Variants in BCLAF1 observed in about 807,000 individuals in gnomAD.
BCLAF1 encodes BCL2 associated transcription factor 1, also known as bcl-2-associated transcription factor 1.
In BCLAF1, 10 loss-of-function variants were observed where a neutral mutation model predicts 99.5. That is an observed-to-expected ratio of 0.10 (90% CI 0.06 to 0.17). The LOEUF (loss-of-function observed/expected upper bound fraction) is 0.17. BCLAF1 is among the 10% of genes least tolerant of loss of function. The pLI is 1.00. For missense variants in BCLAF1, 636 were observed against 1,105.8 expected, an observed-to-expected ratio of 0.58 and a Z score of 6.02; for synonymous variants, 255 against 370.9, an observed-to-expected ratio of 0.69 and a Z score of 3.59.
At chr6:136,283,178 CAAAAA>C (rs1173234336) in intron 1 of BCLAF1, among the ~76,000 whole-genome samples, 74 of 52,044 alleles carry the variant, frequency 1.4e-3, no homozygotes, top group Non-Finnish European at 1.8e-3. Context: ...GACCCCATCT[CAAAAA>C]AAAAAAAAAA....
intron 2 of BCLAF1, among the ~76,000 whole-genome samples, chr6:136,282,138 G>C (rs765115): frequency 7.2e-5 from 11 of 152,258 alleles, no homozygotes; most frequent in African/African-American, 2.6e-4. Context: ...GTAAAACGAA[G>C]AAAATAACAG....
chr6:136,277,882 A>C lies in BCLAF1; in HGVS notation c.999T>G (p.Thr333=). 6.2e-7 allele frequency: 1 copy of C among 1,604,386 alleles called. No individual in the cohort carries two copies. The highest frequency in any genetic ancestry group is 8.5e-7 in the Non-Finnish European group (1 of 1,175,694). The change falls in exon 4 of 13, where the codon ACT becomes ACG. Residue 333 remains threonine, a synonymous_variant. Transcript: ENST00000531224. ...GTTTTTACCTTTTTAAGAACTTCCC[A>C]GTCTTTGCAGTTTCCTGATCTCCAC... is the stretch of plus-strand genomic sequence containing the variant. ...PDGGDQETAK[T]GKFLKRFTDE...
chr6:136,268,652 G>C, intron 9 of BCLAF1: 1 of 239,798 alleles, frequency 4.2e-6, no homozygotes, highest in Non-Finnish European at 8.3e-6. Context: ...ATGAAAGGAA[G>C]AGAAGAGTAG....
intron 4 of BCLAF1, among the ~76,000 whole-genome samples, chr6:136,277,546 G>C (rs1406420957): frequency 2.0e-5 from 3 of 152,140 alleles, no homozygotes; most frequent in Non-Finnish European, 4.4e-5. Flanking sequence ...TTTTTAAAGA[G>C]ACAGGGTCTT....
Position 136,273,144 on chromosome 6 carries a change from G to A in BCLAF1, c.1896C>T (p.Phe632=). 1 of 1,612,220 alleles carries A rather than the reference G, an allele frequency of 6.2e-7. No individual in the cohort carries two copies. Among genetic ancestry groups the A allele is most frequent in the East Asian group, 2.2e-5 (1 of 44,840 alleles). ...CTTCAGTGGCTTTCTGATACGAAGT[G>A]AACCGCTCGTTTAGGGTCATTGCAG... The part of the protein sequence containing the change: ...KSAAMTLNER[F]TSYQKATEEH... The change falls in exon 7 of 13, where the codon TTC becomes TTT. Residue 632 remains phenylalanine (F), a synonymous_variant. Coordinates refer to ENST00000531224, the MANE Select transcript of BCLAF1 (RefSeq NM_014739.3).
Position 136,276,486 on chromosome 6 carries a change from C to T in BCLAF1, c.1039G>A (p.Val347Ile). Reference sequence around the variant, plus strand: ...GTATTACCCCTATCAAGCAGGAATACTCTAGACTCTTCATCTGTGAACCTG... The same window carrying T: ...GTATTACCCCTATCAAGCAGGAATATTCTAGACTCTTCATCTGTGAACCTG... Reference protein sequence around the residue: ...LKRFTDEESRVFLLDRGNTRD... With the variant: ...LKRFTDEESRIFLLDRGNTRD... The change falls in exon 5 of 13, where the codon GTA (valine) becomes ATA (isoleucine). Residue 347 changes from valine (V) to isoleucine (I), a missense_variant. Transcript: ENST00000531224. The T allele has an allele frequency of 1.9e-6, 3 of 1,566,144 alleles. No individual in the cohort carries two copies. Among genetic ancestry groups the T allele is most frequent in the Non-Finnish European group, 2.6e-6 (3 of 1,163,816 alleles).
chr6:136,268,275 T>A lies in BCLAF1; in HGVS notation c.2284A>T (p.Ser762Cys). Residue 762 changes from serine to cysteine, a missense_variant, in exon 10 of 13, where the codon AGT (serine) becomes TGT (cysteine). Coordinates refer to ENST00000531224, the MANE Select transcript of BCLAF1 (RefSeq NM_014739.3). ...TTACTCTCCTTTTCTTCTCGAGAACTGGGAGAAGAAGGTGATGCTGAAGAG... is the reference window on the plus strand; with the variant it reads ...TTACTCTCCTTTTCTTCTCGAGAACAGGGAGAAGAAGGTGATGCTGAAGAG... ...SSSSASPSSPSSREEKESKKE... is the reference protein window; with the variant it reads ...SSSSASPSSPCSREEKESKKE... 6.2e-7 allele frequency: 1 copy of A among 1,605,520 alleles called. No homozygotes were observed.
At chr6:136,272,572 T>C (rs1159888533) in intron 7 of BCLAF1, among the ~76,000 whole-genome samples, 3 of 151,940 alleles carry the variant, frequency 2.0e-5, no homozygotes, top group Non-Finnish European at 2.9e-5. Flanking sequence ...AGATACTTCA[T>C]AGCCAATATC....
chr6:136,276,545 T>C (rs1198606223), intron 4 of BCLAF1, 37 bp from the exon 5 acceptor site: 6 of 1,548,770 alleles, frequency 3.9e-6, no homozygotes, highest in Non-Finnish European at 4.3e-6. Context: ...TAACTCTGGA[T>C]TGCATTCACT....
intron 2 of BCLAF1, 87 bp from the exon 3 acceptor site, chr6:136,279,963 G>T (rs563973336): frequency 1.1e-5 from 14 of 1,273,648 alleles, no homozygotes; most frequent in South Asian, 2.5e-5. Flanking sequence ...GATAAAATTT[G>T]ATTTTTACAA....
chr6:136,275,449 A>G (rs1783149144), intron 6 of BCLAF1, 83 bp downstream of exon 6: 6 of 1,317,960 alleles, frequency 4.6e-6, no homozygotes, highest in Non-Finnish European at 5.1e-6. Flanking sequence ...CCTGGGGTAC[A>G]TGAATTATTA....
At chr6:136,265,290 A>G (rs1314385427) in intron 11 of BCLAF1, among the ~76,000 whole-genome samples, 2 of 152,060 alleles carry the variant, frequency 1.3e-5, no homozygotes, top group Non-Finnish European at 2.9e-5. Context: ...TGAATTACCA[A>G]CTATCCACTG....
intron 6 of BCLAF1, 192 bp from the exon 7 acceptor site, chr6:136,273,379 C>T: frequency 1.9e-6 from 1 of 531,736 alleles, no homozygotes; most frequent in Non-Finnish European, 3.3e-6. Context: ...TCGAAAGTTG[C>T]TCACAGGTCC....
Position 136,276,331 on chromosome 6 carries a change from T to C in BCLAF1, c.1194A>G (p.Glu398=), listed in dbSNP as rs1449470483. 6.4e-6 allele frequency: 10 copies of C among 1,564,648 alleles called. No individual in the cohort carries two copies. Among genetic ancestry groups the C allele is most frequent in the Non-Finnish European group, 7.8e-6 (9 of 1,158,242 alleles). Residue 398 remains glutamate, a synonymous_variant, in exon 5 of 13, where the codon GAA becomes GAG. Transcript: ENST00000531224. ...ESGKQKFNDS[E]GDDTEETEDY... is the part of the protein sequence containing the mutation. ...CCTCTGTCTCCTCTGTGTCATCCCC[T>C]TCTGAATCATTAAACTTTTGTTTTC...
intron 11 of BCLAF1, among the ~76,000 whole-genome samples, chr6:136,264,443 G>A (rs1036331591): frequency 1.3e-5 from 2 of 152,158 alleles, no homozygotes; most frequent in African/African-American, 4.8e-5. Flanking sequence ...CTGACCTCAT[G>A]ATCCACCTGT....
At chr6:136,288,559 A>G (rs1430739123) in intron 1 of BCLAF1, among the ~76,000 whole-genome samples, 2 of 151,658 alleles carry the variant, frequency 1.3e-5, no homozygotes, top group East Asian at 3.8e-4. Context: ...AAAAATTTAA[A>G]AGAGGCTGTT....
intron 1 of BCLAF1, among the ~76,000 whole-genome samples, chr6:136,285,151 AACCCTTGCAGGG>A (rs1478134412): frequency 6.6e-6 from 1 of 152,188 alleles, no homozygotes; most frequent in Non-Finnish European, 1.5e-5. Flanking sequence ...TCGGTTGAGA[AACCCTTGCAGGG>A]TTTTTGCTTG....
At position 136,256,669 on chromosome 6, in the gene BCLAF1, CAATAAATAAATAAATAAATA is replaced by C. The variant is rs35195968; in HGVS notation, c.*4421_*4440del. On this transcript the variant is annotated 3_prime_UTR_variant, in exon 13 of 13. Transcript: ENST00000531224. ...CTCTAGTCTGGGTAAGACTCCATCTCAATAAATAAATAAATAAATAAATAAATAAATAAATAAATAATTCA... is the reference window on the plus strand; with the variant it reads ...CTCTAGTCTGGGTAAGACTCCATCTCAATAAATAAATAAATAAATAATTCA... 19 of 152,412 alleles carry C rather than the reference CAATAAATAAATAAATAAATA, an allele frequency of 1.2e-4. No individual in the cohort carries two copies. Among genetic ancestry groups the C allele is most frequent in the African/African-American group, 4.3e-4 (17 of 39,276 alleles). 9.4% of individuals were successfully genotyped at this position (152,412 alleles called of 1,614,324 possible).
At chr6:136,283,062 C>T (rs1562265706) in intron 1 of BCLAF1, among the ~76,000 whole-genome samples, 1 of 150,912 alleles carries the variant, frequency 6.6e-6, no homozygotes, top group Admixed American at 6.6e-5. Flanking sequence ...ACTTGGGAGG[C>T]TGATGCAGAA....
Sources: gnomAD v4.1 joint callset for allele counts (sites outside exome capture counted in the v4.1 genomes callset) on GRCh38, gnomAD v4.1.1 for gene constraint, MANE v1.5 for transcripts, NCBI Gene and HGNC (gene_info 2026-07-23, HGNC 2026-07-21) for gene names.